SEC22C: variants seen among roughly 807,000 people sequenced by gnomAD.
SEC22C encodes vesicle-trafficking protein SEC22c.
In SEC22C, 29 loss-of-function variants were observed where a neutral mutation model predicts 34.7. That is an observed-to-expected ratio of 0.84 (90% CI 0.62 to 1.14). The LOEUF (loss-of-function observed/expected upper bound fraction) is 1.14. Among genes scored for constraint, SEC22C ranks in the 50% most tolerant of loss-of-function variants. The pLI, the probability that SEC22C is intolerant of heterozygous loss-of-function variation, is 0.00. For synonymous variants in SEC22C, 117 were observed against 132.8 expected, an observed-to-expected ratio of 0.88 and a Z score of 0.82; for missense variants, 337 against 369.0, an observed-to-expected ratio of 0.91 and a Z score of 0.71.
chr3:42,600,834 G>A, intron 1 of SEC22C: 2 of 430,896 alleles, frequency 4.6e-6, no homozygotes, highest in African/African-American at 2.1e-5. Flanking sequence ...GGCCCGGGGC[G>A]GGAGGGGGCC....
intron 2 of SEC22C, among the ~76,000 whole-genome samples, chr3:42,565,064 G>A (rs1243124519): frequency 4.6e-5 from 7 of 152,018 alleles, no homozygotes; most frequent in Non-Finnish European, 1.0e-4. Flanking sequence ...AGCCACAAGG[G>A]TCTTGTTCTG....
At chr3:42,555,769 G>A (rs955293677) in intron 6 of SEC22C, among the ~76,000 whole-genome samples, 161 bp downstream of exon 6, 1 of 152,244 alleles carries the variant, frequency 6.6e-6, no homozygotes, top group Non-Finnish European at 1.5e-5. Context: ...GACTGGCCAG[G>A]ATGGGCCTAA....
upstream of SEC22C, chr3:42,582,459 A>C (rs1704449478): frequency 1.3e-5 from 2 of 152,406 alleles, no homozygotes; most frequent in South Asian, 2.1e-4. Flanking sequence ...ACACACCCCA[A>C]GCTGGGGACC....
At chr3:42,584,027 TC>T (rs1010961834), upstream of SEC22C, among the ~76,000 whole-genome samples, 2 of 152,206 alleles carry the variant, frequency 1.3e-5, no homozygotes. Flanking sequence ...TCTACCAGCC[TC>T]CCTGGTTCTC....
chr3:42,563,830 T>C (rs1323943996), intron 2 of SEC22C, 144 bp from the exon 3 acceptor site: 1 of 1,527,572 alleles, frequency 6.5e-7, no homozygotes, highest in Non-Finnish European at 8.8e-7. Context: ...TATTGTCTCT[T>C]CAGTTCGACC....
intron 1 of SEC22C, among the ~76,000 whole-genome samples, chr3:42,595,382 T>C (rs1704998757): frequency 6.6e-6 from 1 of 152,250 alleles, no homozygotes; most frequent in Admixed American, 6.5e-5. Flanking sequence ...TTGTTAATTA[T>C]GTGCCACTAT....
At position 42,597,790 on chromosome 3, in the gene SEC22C, T is replaced by C. The variant is rs571985440; in HGVS notation, c.-28+3170A>G. 4.6e-5 allele frequency among the ~76,000 whole-genome samples: 7 copies of C among 152,366 alleles called. No homozygotes were observed. In the South Asian group the frequency reaches 8.3e-4, roughly 18 times the overall value. ...TGGCTGAAGACAATTATTCTTCCAATGTGGCCCAGGTAAACCAAAAGATTG... is the reference window on the plus strand; with the variant it reads ...TGGCTGAAGACAATTATTCTTCCAACGTGGCCCAGGTAAACCAAAAGATTG... On this transcript the variant is annotated intron_variant, in intron 1 of 6. Coordinates refer to the SEC22C transcript ENST00000417572.
At chr3:42,556,043 G>A in intron 5 of SEC22C, 48 bp from the exon 6 acceptor site, 1 of 1,434,326 alleles carries the variant, frequency 7.0e-7, no homozygotes, top group South Asian at 1.2e-5. Flanking sequence ...TAGATGAAAG[G>A]AAACACTGTG....
At chr3:42,584,290 T>G (rs1704539092), upstream of SEC22C, among the ~76,000 whole-genome samples, 1 of 152,222 alleles carries the variant, frequency 6.6e-6, no homozygotes, top group Non-Finnish European at 1.5e-5. Context: ...AGTCTCACTC[T>G]GTGGCCTAGG....
At chr3:42,585,117 G>A (rs1272232020), upstream of SEC22C, among the ~76,000 whole-genome samples, 2 of 152,058 alleles carry the variant, frequency 1.3e-5, no homozygotes, top group South Asian at 2.1e-4. Context: ...CTACAAGAGC[G>A]AAACTCCATC....
In SEC22C at chr3:42,551,608, G is replaced by A. The variant is rs1036832031; in HGVS notation, c.*1640C>T. The A allele has an allele frequency of 3.5e-5, 30 of 846,068 alleles. No individual in the cohort carries two copies. Among genetic ancestry groups the A allele is most frequent in the Non-Finnish European group, 4.3e-5 (30 of 702,878 alleles). The allele number at this position is 846,068 out of a possible 1,614,324, so 52.4% of individuals were successfully genotyped here. A position where few individuals can be genotyped will look rare whatever the true frequency, so the allele number is the denominator to read the frequency against. ...CTGCTTTGGCCTTCCAAAGTGCTGG[G>A]AATACAGGCATGAGCCATCATGCCT... is the stretch of plus-strand genomic sequence containing the variant. On this transcript the variant is annotated 3_prime_UTR_variant, in exon 7 of 7. Coordinates refer to ENST00000264454, the MANE Select transcript of SEC22C (RefSeq NM_032970.4).
In SEC22C at chr3:42,548,850, C is replaced by T. The variant is rs1006854198; in HGVS notation, c.*4398G>A. The T allele has an allele frequency of 7.1e-7, 1 of 1,401,850 alleles. No homozygotes were observed. Among genetic ancestry groups the T allele is most frequent in the South Asian group, 1.7e-5 (1 of 60,594 alleles). The allele number at this position is 1,401,850 out of a possible 1,614,324, so 86.8% of individuals were successfully genotyped here. A position where few individuals can be genotyped will look rare whatever the true frequency, so the allele number is the denominator to read the frequency against. ...GCTGTGCTGCCTGAAGCAGAAAAAC[C>T]TTCATGTACCAGGTGAATGTAAAGC... On this transcript the variant is annotated 3_prime_UTR_variant, in exon 7 of 7. Coordinates refer to ENST00000264454, the MANE Select transcript of SEC22C (RefSeq NM_032970.4).
intron 1 of SEC22C, among the ~76,000 whole-genome samples, chr3:42,589,259 A>C (rs1468087110): frequency 2.0e-5 from 3 of 151,350 alleles, no homozygotes; most frequent in Non-Finnish European, 4.4e-5. Flanking sequence ...ACAGAGCGAG[A>C]CTCTGTCTCA....
upstream of SEC22C, among the ~76,000 whole-genome samples, chr3:42,584,554 C>A (rs928084076): frequency 6.6e-6 from 1 of 152,220 alleles, no homozygotes; most frequent in Non-Finnish European, 1.5e-5. Flanking sequence ...CCACGCCTAG[C>A]CGGGACATAG....
At chr3:42,584,254 C>A (rs2125734511), upstream of SEC22C, among the ~76,000 whole-genome samples, 1 of 152,236 alleles carries the variant, frequency 6.6e-6, no homozygotes, top group Admixed American at 6.5e-5. Context: ...GAGGTCTGGG[C>A]TGAACACAGA....
intron 2 of SEC22C, chr3:42,566,798 GT>G: frequency 2.4e-6 from 1 of 415,936 alleles, no homozygotes; most frequent in Non-Finnish European, 4.9e-6. Context: ...GAGCCTAGGA[GT>G]TTAAGACCAG....
chr3:42,572,601 G>A (rs1476434283), intron 1 of SEC22C, among the ~76,000 whole-genome samples: 2 of 152,194 alleles, frequency 1.3e-5, no homozygotes, highest in Non-Finnish European at 2.9e-5. Context: ...GGCCACGTAG[G>A]GAACCTGGAC....
intron 1 of SEC22C, among the ~76,000 whole-genome samples, chr3:42,588,131 C>T (rs704982): frequency 0.27 from 41,293 of 151,586 alleles, 6,413 homozygotes; most frequent in East Asian, 0.49. Context: ...GGGCCAGGCA[C>T]GGTGGCTCAC....
At chr3:42,589,691 G>A (rs959082244) in intron 1 of SEC22C, among the ~76,000 whole-genome samples, 1 of 152,170 alleles carries the variant, frequency 6.6e-6, no homozygotes, top group Non-Finnish European at 1.5e-5. Flanking sequence ...TAGGTTGCGC[G>A]CTCCTAATGA....
Sources: gnomAD v4.1 joint callset for allele counts (sites outside exome capture counted in the v4.1 genomes callset) on GRCh38, gnomAD v4.1.1 for gene constraint, MANE v1.5 for transcripts, NCBI Gene and HGNC (gene_info 2026-07-23, HGNC 2026-07-21) for gene names.